The following SLCO4C1 variants were observed in gnomAD, a reference collection of about 807,000 sequenced individuals.
The protein encoded by SLCO4C1 is organic anion transporter M1.
Under a neutral mutation model 72.1 loss-of-function variants are expected in SLCO4C1, and 58 were observed. The observed-to-expected ratio is 0.80, with a 90% confidence interval of 0.65 to 1.00. The LOEUF (loss-of-function observed/expected upper bound fraction) is 1.00, where lower values mean the gene tolerates loss of function less well. SLCO4C1 is among the 50% of genes least tolerant of loss of function. SLCO4C1 has a pLI of 0.00. For missense variants in SLCO4C1, 898 were observed against 857.9 expected (o/e 1.05, Z -0.58); for synonymous variants, 297 against 312.5 (o/e 0.95, Z 0.52).
intron 12 of SLCO4C1, among the ~76,000 whole-genome samples, chr5:102,238,625 A>T (rs556051238): frequency 6.6e-6 from 1 of 152,268 alleles, no homozygotes; most frequent in East Asian, 1.9e-4. Context: ...GATTTCTCTA[A>T]GCTATTTTAG....
intron 3 of SLCO4C1, among the ~76,000 whole-genome samples, chr5:102,265,283 A>T (rs1405543539): frequency 6.6e-6 from 1 of 152,104 alleles, no homozygotes; most frequent in Non-Finnish European, 1.5e-5. Context: ...CTACAATCTG[A>T]TGATTGTTTC....
rs554221204 is a variant in SLCO4C1, at chr5:102,262,734, T to C, written c.900-701A>G. Among the ~76,000 whole-genome samples the C allele has an allele frequency of 2.6e-5, 4 of 152,282 alleles. No homozygotes were observed. In the East Asian group the frequency reaches 5.8e-4, roughly 22 times the overall value. ...CTCATATTTTAATACACTTTGGCCC[T>C]TTCCGAAAATACACTAATCCTACAA... On this transcript the variant is annotated intron_variant, in intron 4 of 12. Transcript: ENST00000310954.
At chr5:102,284,696 A>C (rs945642081) in intron 2 of SLCO4C1, among the ~76,000 whole-genome samples, 1 of 152,030 alleles carries the variant, frequency 6.6e-6, no homozygotes, top group Non-Finnish European at 1.5e-5. Context: ...TAATGCCTCT[A>C]GAAACTGTTC....
At chr5:102,244,014 C>T (rs59918329) in intron 10 of SLCO4C1, among the ~76,000 whole-genome samples, 3,679 of 152,182 alleles carry the variant, frequency 0.024, 101 homozygotes, top group African/African-American at 0.07. Context: ...TAGTGAAACC[C>T]TGTCTCTACC....
chr5:102,266,926 T>C (rs1296109068), intron 3 of SLCO4C1, among the ~76,000 whole-genome samples: 3 of 152,336 alleles, frequency 2.0e-5, no homozygotes, highest in Middle Eastern at 6.8e-3. Flanking sequence ...TGATGTATCA[T>C]ATTTATTGAT....
chr5:102,288,932 G>T (rs1289563484), intron 2 of SLCO4C1, among the ~76,000 whole-genome samples: 2 of 151,960 alleles, frequency 1.3e-5, no homozygotes, highest in Non-Finnish European at 2.9e-5. Flanking sequence ...CTTCCCACTA[G>T]TACATAAAAT....
chr5:102,270,696 T>C lies in SLCO4C1; in HGVS notation c.730A>G (p.Thr244Ala), dbSNP rs761795658. 3.1e-6 allele frequency: 5 copies of C among 1,613,210 alleles called. No individual in the cohort carries two copies. Among genetic ancestry groups the C allele is most frequent in the Non-Finnish European group, 4.2e-6 (5 of 1,179,500 alleles). ...GCTGTTCCCAGAGTATAAAGAGGAGTTCCTCCTGCCCCCAGCAATAGTTGT... is the reference window on the plus strand; with the variant it reads ...GCTGTTCCCAGAGTATAAAGAGGAGCTCCTCCTGCCCCCAGCAATAGTTGT... Reference protein sequence around the residue: ...LGQLLLGAGGTPLYTLGTAFL... With the variant: ...LGQLLLGAGGAPLYTLGTAFL... The change falls in exon 3 of 13, where the codon ACT becomes GCT. Residue 244 changes from threonine (T) to alanine (A), a missense_variant. Physicochemically the swap from Thr to Ala is moderately conservative, Grantham distance 58. Coordinates refer to ENST00000310954, the MANE Select transcript of SLCO4C1 (RefSeq NM_180991.5).
At chr5:102,285,776 C>T (rs566846318) in intron 2 of SLCO4C1, among the ~76,000 whole-genome samples, 9 of 152,056 alleles carry the variant, frequency 5.9e-5, no homozygotes, top group Non-Finnish European at 1.3e-4. Context: ...AAAAAAATCA[C>T]CTCTTCTTAT....
chr5:102,244,731 T>C (rs1282554231), intron 10 of SLCO4C1, among the ~76,000 whole-genome samples: 7 of 151,954 alleles, frequency 4.6e-5, no homozygotes, highest in African/African-American at 1.5e-4. Flanking sequence ...CAGGAGAGAG[T>C]GGCAAGTCAT....
intron 2 of SLCO4C1, among the ~76,000 whole-genome samples, chr5:102,271,895 T>C (rs1749159300): frequency 6.6e-6 from 1 of 152,046 alleles, no homozygotes; most frequent in Admixed American, 6.6e-5. Context: ...TGTGTATATG[T>C]TGCGAAAAAG....
At chr5:102,264,038 A>G (rs186108894) in intron 3 of SLCO4C1, among the ~76,000 whole-genome samples, 19 of 152,258 alleles carry the variant, frequency 1.2e-4, no homozygotes, top group Non-Finnish European at 1.9e-4. Flanking sequence ...AAGTGTTGTT[A>G]ACTGGCAGTA....
intron 3 of SLCO4C1, 55 bp downstream of exon 3, chr5:102,270,569 A>G: frequency 2.1e-6 from 3 of 1,446,296 alleles, no homozygotes; most frequent in Non-Finnish European, 2.8e-6. Flanking sequence ...TTACTTCTAA[A>G]GTGAACAAAT....
intron 1 of SLCO4C1, among the ~76,000 whole-genome samples, chr5:102,294,700 C>A (rs1749616145): frequency 6.6e-6 from 1 of 152,120 alleles, no homozygotes. Context: ...GGAAATAATT[C>A]TTCAACACAA....
At chr5:102,273,561 A>G (rs1749191701) in intron 2 of SLCO4C1, among the ~76,000 whole-genome samples, 1 of 152,214 alleles carries the variant, frequency 6.6e-6, no homozygotes, top group Non-Finnish European at 1.5e-5. Flanking sequence ...AAAAGTAACC[A>G]GTGCAAGATA....
intron 3 of SLCO4C1, among the ~76,000 whole-genome samples, chr5:102,269,645 T>C (rs1749111917): frequency 6.6e-6 from 1 of 152,206 alleles, no homozygotes; most frequent in African/African-American, 2.4e-5. Context: ...ACTGAGTTTC[T>C]TTAAGACCAT....
chr5:102,290,251 A>G (rs757291778), intron 2 of SLCO4C1, among the ~76,000 whole-genome samples: 2 of 152,162 alleles, frequency 1.3e-5, no homozygotes, highest in African/African-American at 4.8e-5. Flanking sequence ...GAGTCTCACT[A>G]TATTGCCCAG....
intron 2 of SLCO4C1, among the ~76,000 whole-genome samples, chr5:102,274,181 G>C (rs1286108217): frequency 2.0e-5 from 3 of 151,994 alleles, no homozygotes; most frequent in African/African-American, 7.3e-5. Flanking sequence ...TGTTATCCAT[G>C]GGGGTCCTGG....
intron 8 of SLCO4C1, among the ~76,000 whole-genome samples, chr5:102,256,748 T>C (rs1216607357): frequency 6.6e-6 from 1 of 152,206 alleles, no homozygotes; most frequent in Non-Finnish European, 1.5e-5. Context: ...ATAATTTTTA[T>C]CATAATTATG....
intron 10 of SLCO4C1, among the ~76,000 whole-genome samples, chr5:102,246,483 G>C (rs745702513): frequency 1.1e-4 from 16 of 151,984 alleles, no homozygotes; most frequent in Non-Finnish European, 1.9e-4. Flanking sequence ...CCAATAACAA[G>C]TAGCAAGATT....
Sources: gnomAD v4.1 joint callset for allele counts (sites outside exome capture counted in the v4.1 genomes callset) on GRCh38, gnomAD v4.1.1 for gene constraint, MANE v1.5 for transcripts, NCBI Gene and HGNC (gene_info 2026-07-23, HGNC 2026-07-21) for gene names.